CAST: variants seen among roughly 807,000 people sequenced by gnomAD.
CAST encodes the protein calpastatin, also known as MIR583 host.
CAST carries 76 observed loss-of-function variants against 119.6 expected under a neutral mutation model. The observed-to-expected ratio is 0.64, with a 90% CI of 0.53 to 0.77. The LOEUF (loss-of-function observed/expected upper bound fraction) is 0.77, where lower values mean the gene tolerates loss of function less well. Ranked by LOEUF, CAST falls within the 30% of genes least tolerant of loss-of-function variation. The pLI, the probability that CAST is intolerant of heterozygous loss-of-function variation, is 0.00. For missense variants in CAST, 953 were observed against 946.5 expected (o/e 1.01, Z -0.09); for synonymous variants, 319 against 331.6 (o/e 0.96, Z 0.41).
At chr5:96,450,525 C>T in the CAST span, among the ~76,000 whole-genome samples, 1 of 152,096 alleles carries the variant, frequency 6.6e-6, no homozygotes, top group African/African-American at 2.4e-5. Flanking sequence ...TTCTAAAAGC[C>T]CAGACTTCAC....
At position 96,674,671 on chromosome 5, in the gene CAST, A is replaced by G. The variant is rs76543951; in HGVS notation, c.76-868A>G. 3.7e-4 allele frequency among the ~76,000 whole-genome samples: 56 copies of G among 152,352 alleles called. 1 individual carries two copies. The East Asian group carries it at 9.4e-3, about 26-fold the overall frequency. On this transcript the variant is annotated intron_variant, in intron 1 of 31. Coordinates refer to ENST00000675179, the MANE Select transcript of CAST (RefSeq NM_001750.7). ...CTTGAAGCTTTTATACCCCACGTAAAAATATTTGCATTAGGGACAGTTTGA... is the reference window on the plus strand; with the variant it reads ...CTTGAAGCTTTTATACCCCACGTAAGAATATTTGCATTAGGGACAGTTTGA...
At chr5:96,271,187 G>T in the CAST span, among the ~76,000 whole-genome samples, 3 of 152,210 alleles carry the variant, frequency 2.0e-5, no homozygotes, top group Non-Finnish European at 4.4e-5. Flanking sequence ...AACTAATATT[G>T]TTAAAGTGAC....
the CAST span, among the ~76,000 whole-genome samples, chr5:96,052,506 A>G: frequency 5.6e-3 from 860 of 152,340 alleles, 1 homozygote; most frequent in Non-Finnish European, 9.3e-3. Context: ...TTTTTTATAG[A>G]TGCTGCCAAA....
At chr5:96,700,164 C>T (rs1186464472) in intron 3 of CAST, among the ~76,000 whole-genome samples, 1 of 152,032 alleles carries the variant, frequency 6.6e-6, no homozygotes, top group African/African-American at 2.4e-5. Flanking sequence ...CCCACAGTAC[C>T]CTCCTACCAC....
the CAST span, among the ~76,000 whole-genome samples, chr5:96,194,223 G>T: frequency 6.6e-6 from 1 of 152,186 alleles, no homozygotes; most frequent in Admixed American, 6.5e-5. Context: ...GACACACTGA[G>T]TAAATGCACA....
At chr5:96,233,401 T>C in the CAST span, among the ~76,000 whole-genome samples, 1 of 152,092 alleles carries the variant, frequency 6.6e-6, no homozygotes, top group Non-Finnish European at 1.5e-5. Flanking sequence ...TGGAGTAATA[T>C]TAACATGTTA....
chr5:96,459,727 C>T, the CAST span, among the ~76,000 whole-genome samples: 4,550 of 152,204 alleles, frequency 0.03, 216 homozygotes, highest in African/African-American at 0.11. Flanking sequence ...GAAACACCTG[C>T]TTTTACTTAA....
chr5:96,696,123 G>T lies in CAST; in HGVS notation c.210+216G>T, dbSNP rs42859. ...ACCATTTATTGTATAAATCTTCTTG[G>T]CATATAATAAGCGTTAAATAAATAT... On this transcript the variant is annotated intron_variant, in intron 3 of 31. Coordinates refer to ENST00000675179, the MANE Select transcript of CAST (RefSeq NM_001750.7). 0.19 allele frequency: 58,845 copies of T among 308,498 alleles called. 5,802 individuals carry two copies. The highest frequency in any genetic ancestry group is 0.24 in the East Asian group (4,577 of 18,986). 19.1% of individuals were successfully genotyped at this position (308,498 alleles called of 1,614,324 possible). A position where few individuals can be genotyped will look rare whatever the true frequency, so the allele number is the denominator to read the frequency against.
At chr5:96,584,845 C>T (rs1332436058) in intron 1 of CAST, 1 of 152,276 alleles carries the variant, frequency 6.6e-6, no homozygotes, top group African/African-American at 2.4e-5. Flanking sequence ...ACTGGAACAA[C>T]GCAGGCTGCC....
the CAST span, among the ~76,000 whole-genome samples, chr5:96,158,576 C>T: frequency 6.6e-6 from 1 of 152,182 alleles, no homozygotes; most frequent in Admixed American, 6.5e-5. Flanking sequence ...ATATTTATTT[C>T]TGTTCCAGGC....
rs572958170 is a variant in CAST, at chr5:96,588,760, C to T, written c.60+58880C>T. Among the ~76,000 whole-genome samples the T allele has an allele frequency of 1.2e-4, 18 of 152,290 alleles. No individual in the cohort carries two copies. In the South Asian group the frequency reaches 3.7e-3, roughly 32 times the overall value. On this transcript the variant is annotated intron_variant, in intron 1 of 11. Coordinates refer to the CAST transcript ENST00000505143. ...ACAATTTATTGGCCATAAAACTACT[C>T]ATCCATAGTCATTCACTTTGTCCCA...
At chr5:96,211,859 T>C in the CAST span, among the ~76,000 whole-genome samples, 1 of 152,124 alleles carries the variant, frequency 6.6e-6, no homozygotes, top group Non-Finnish European at 1.5e-5. Flanking sequence ...TTAGTTGTTG[T>C]ACTTTGTGAT....
intron 3 of CAST, among the ~76,000 whole-genome samples, chr5:96,717,826 C>T (rs978354901): frequency 1.3e-5 from 2 of 152,188 alleles, no homozygotes; most frequent in African/African-American, 4.8e-5. Context: ...AGGCATTAAA[C>T]TTTGTCTAGG....
chr5:96,060,988 G>T, the CAST span, among the ~76,000 whole-genome samples: 1 of 152,072 alleles, frequency 6.6e-6, no homozygotes, highest in African/African-American at 2.4e-5. Flanking sequence ...TTGTGGAAGA[G>T]AGAGAGTTGG....
At chr5:96,428,032 G>C in the CAST span, among the ~76,000 whole-genome samples, 1 of 151,668 alleles carries the variant, frequency 6.6e-6, no homozygotes, top group African/African-American at 2.4e-5. Context: ...TACGGTCACT[G>C]TCCGTGGTCC....
chr5:96,552,699 T>C (rs1036042903), intron 1 of CAST, among the ~76,000 whole-genome samples: 1 of 152,022 alleles, frequency 6.6e-6, no homozygotes, highest in African/African-American at 2.4e-5. Context: ...AAGAATCAAA[T>C]AGACTCATTA....
chr5:96,752,903 C>T (rs1027450737), intron 20 of CAST, among the ~76,000 whole-genome samples: 3 of 151,658 alleles, frequency 2.0e-5, no homozygotes, highest in Non-Finnish European at 4.4e-5. Context: ...CATCCCCATA[C>T]ACTGGAAGCA....
the CAST span, among the ~76,000 whole-genome samples, chr5:95,979,543 T>G: frequency 7.8e-6 from 1 of 128,634 alleles, no homozygotes; most frequent in Non-Finnish European, 1.9e-5. Context: ...AATAAATTAT[T>G]TATGGGGAAG....
At chr5:96,375,436 G>T in the CAST span, among the ~76,000 whole-genome samples, 83,474 of 124,932 alleles carry the variant, frequency 0.67, 23,991 homozygotes, top group Non-Finnish European at 0.67. Context: ...GTGTGTGTGT[G>T]TTTTTTTTAC....
Sources: gnomAD v4.1 joint callset for allele counts (sites outside exome capture counted in the v4.1 genomes callset) on GRCh38, gnomAD v4.1.1 for gene constraint, MANE v1.5 for transcripts, NCBI Gene and HGNC (gene_info 2026-07-23, HGNC 2026-07-21) for gene names.